The following AKAP13 variants were observed in gnomAD, a reference collection of about 807,000 sequenced individuals.
The protein encoded by AKAP13 is A-kinase anchor protein 13.
AKAP13 carries 80 observed loss-of-function variants against 264.5 expected under a neutral mutation model. The observed-to-expected ratio is 0.30, with a 90% CI of 0.25 to 0.36. AKAP13 has a LOEUF of 0.36. Among genes scored for constraint, AKAP13 ranks in the 10% least tolerant of loss-of-function variants. AKAP13 has a pLI of 1.00. For synonymous variants in AKAP13, 1,380 were observed against 1,250.2 expected (o/e 1.10, Z -2.19); for missense variants, 3,712 against 3,435.2 (o/e 1.08, Z -2.01).
intron 5 of AKAP13, 78 bp from the exon 6 acceptor site, chr15:85,575,053 C>A (rs147389224): frequency 2.8e-5 from 40 of 1,408,306 alleles, no homozygotes; most frequent in Non-Finnish European, 3.8e-5. Flanking sequence ...GTTAGAAATA[C>A]GAAGTAAGAC....
chr15:85,537,823 G>T (rs183269003), intron 4 of AKAP13, among the ~76,000 whole-genome samples: 1 of 152,210 alleles, frequency 6.6e-6, no homozygotes, highest in Non-Finnish European at 1.5e-5. Context: ...CATTTTGAAT[G>T]TACCATTTGG....
chr15:85,624,218 T>C (rs954143182), intron 8 of AKAP13, among the ~76,000 whole-genome samples: 10 of 152,050 alleles, frequency 6.6e-5, no homozygotes, highest in African/African-American at 9.7e-5. Flanking sequence ...TTCTTCTTGT[T>C]ACTGATGATT....
At chr15:85,613,868 A>G (rs896705251) in intron 8 of AKAP13, among the ~76,000 whole-genome samples, 9 of 151,238 alleles carry the variant, frequency 6.0e-5, no homozygotes, top group African/African-American at 2.2e-4. Context: ...GGTTCACTAT[A>G]CTCTCTTAAG....
intron 5 of AKAP13, among the ~76,000 whole-genome samples, chr15:85,561,291 CAG>C (rs1248534347): frequency 6.6e-6 from 1 of 152,166 alleles, no homozygotes; most frequent in African/African-American, 2.4e-5. Context: ...CTCCTGACCT[CAG>C]GTGATCCACC....
intron 16 of AKAP13, among the ~76,000 whole-genome samples, chr15:85,690,367 T>A (rs2085211073): frequency 6.6e-6 from 1 of 152,216 alleles, no homozygotes; most frequent in Non-Finnish European, 1.5e-5. Context: ...ATTTAACATT[T>A]TATGCATGGA....
At chr15:85,638,765 GT>G (rs35884519) in intron 8 of AKAP13, among the ~76,000 whole-genome samples, 108,627 of 148,884 alleles carry the variant, frequency 0.73, 39,589 homozygotes, top group African/African-American at 0.81. Context: ...CTCTGAGCCT[GT>G]TTTTTTTTTT....
chr15:85,456,356 ACTT>A (rs979787228), intron 1 of AKAP13, among the ~76,000 whole-genome samples: 8 of 152,110 alleles, frequency 5.3e-5, no homozygotes, highest in South Asian at 4.1e-4. Context: ...ATCAATCCTG[ACTT>A]CTTCTTCTTA....
intron 12 of AKAP13, 49 bp from the exon 13 acceptor site, chr15:85,664,514 T>C: frequency 1.3e-6 from 2 of 1,538,942 alleles, no homozygotes; most frequent in Non-Finnish European, 1.8e-6. Context: ...CCTCCTTTGT[T>C]TTTGAGACCC....
At chr15:85,517,100 A>G (rs992028641) in intron 2 of AKAP13, among the ~76,000 whole-genome samples, 2 of 152,226 alleles carry the variant, frequency 1.3e-5, no homozygotes, top group African/African-American at 4.8e-5. Context: ...AGCCAGCTCC[A>G]GTATACCACT....
At chr15:85,710,480 G>T in intron 18 of AKAP13, 99 bp from the exon 19 acceptor site, 2 of 1,180,086 alleles carry the variant, frequency 1.7e-6, no homozygotes, top group South Asian at 1.5e-5. Flanking sequence ...GCAAAAAGCA[G>T]AGTGGGAAAG....
At chr15:85,679,734 AT>A (rs1201369909) in intron 14 of AKAP13, among the ~76,000 whole-genome samples, 2 of 152,254 alleles carry the variant, frequency 1.3e-5, no homozygotes, top group African/African-American at 4.8e-5. Context: ...AGGTTATTTC[AT>A]GCCTTGAAAG....
intron 5 of AKAP13, among the ~76,000 whole-genome samples, chr15:85,572,422 G>C (rs1567132316): frequency 6.6e-6 from 1 of 152,150 alleles, no homozygotes; most frequent in African/African-American, 2.4e-5. Context: ...TCTTTGAACT[G>C]TCGAGAGTAT....
At chr15:85,635,102 GT>G (rs1294121825) in intron 8 of AKAP13, 1 of 398,086 alleles carries the variant, frequency 2.5e-6, no homozygotes. Flanking sequence ...ATGCTATGTT[GT>G]ATGTAAGTAT....
At position 85,645,861 on chromosome 15, in the gene AKAP13, C is replaced by T. The variant is rs776430109; in HGVS notation, c.4281C>T (p.Thr1427=). The T allele has an allele frequency of 6.2e-6, 10 of 1,611,874 alleles. No homozygotes were observed. Among genetic ancestry groups the T allele is most frequent in the Non-Finnish European group, 8.5e-6 (10 of 1,179,398 alleles). The change falls in exon 10 of 37, where the codon ACC becomes ACT. Residue 1427 remains threonine, a synonymous_variant. Transcript: ENST00000394518. ...ATGTTGGACTGGGCAGAGAGTGTAC[C>T]TCAAAACAAGGTGTACTTAAAAGAG... The part of the protein sequence containing the change: ...FLDVGLGREC[T]SKQGVLKRES...
chr15:85,706,376 C>G (rs2151684419), intron 17 of AKAP13, among the ~76,000 whole-genome samples: 1 of 152,322 alleles, frequency 6.6e-6, no homozygotes, highest in East Asian at 1.9e-4. Flanking sequence ...CTTTGTTATG[C>G]TTCTTGCTGT....
chr15:85,411,315 A>G (rs895698335), intron 1 of AKAP13, among the ~76,000 whole-genome samples: 4 of 152,148 alleles, frequency 2.6e-5, no homozygotes, highest in Non-Finnish European at 5.9e-5. Flanking sequence ...ATTAAATCTC[A>G]ACCTTTGAGC....
At chr15:85,522,150 G>A (rs1365843634) in intron 3 of AKAP13, among the ~76,000 whole-genome samples, 1 of 152,146 alleles carries the variant, frequency 6.6e-6, no homozygotes, top group Non-Finnish European at 1.5e-5. Context: ...TTTATTATGT[G>A]TTGGTGATGG....
intron 1 of AKAP13, among the ~76,000 whole-genome samples, chr15:85,463,113 G>A (rs575224262): frequency 4.0e-5 from 6 of 151,444 alleles, no homozygotes; most frequent in Admixed American, 1.3e-4. Context: ...TCGCACTGTA[G>A]TTCAGTAAGA....
intron 1 of AKAP13, among the ~76,000 whole-genome samples, chr15:85,426,279 G>C (rs956339967): frequency 2.0e-5 from 3 of 152,184 alleles, no homozygotes; most frequent in Admixed American, 2.0e-4. Context: ...GTGCTAATTA[G>C]GAAAGTTGAC....
Sources: allele counts gnomAD v4.1 joint callset (sites outside exome capture counted in the v4.1 genomes callset), GRCh38; gene constraint gnomAD v4.1.1; transcripts MANE v1.5; gene names NCBI Gene and HGNC (gene_info 2026-07-23, HGNC 2026-07-21).